The following TMEM200A variants were observed in gnomAD, a reference collection of about 807,000 sequenced individuals.
TMEM200A encodes the protein two transmembrane C.
A neutral mutation model predicts 24.3 loss-of-function variants in TMEM200A; 12 were observed. The ratio of observed to expected loss-of-function variants is 0.49; its 90% CI spans 0.32 to 0.80. TMEM200A has a LOEUF of 0.80. Among genes scored for constraint, TMEM200A ranks in the 30% least tolerant of loss-of-function variants. The probability of loss-of-function intolerance (pLI) is 0.04; values close to 1 mark genes in which losing one functional copy is unlikely to be tolerated. For missense variants in TMEM200A, 545 were observed against 614.4 expected, an observed-to-expected ratio of 0.89 and a Z score of 1.19; for synonymous variants, 224 against 224.4, an observed-to-expected ratio of 1.00 and a Z score of 0.02.
rs1778143543 is a variant in TMEM200A, at chr6:130,366,316, C to T, written c.-289C>T. 1.0e-6 allele frequency: 1 copy of T among 985,126 alleles called. No individual in the cohort carries two copies. Among genetic ancestry groups the T allele is most frequent in the Non-Finnish European group, 1.2e-6 (1 of 829,826 alleles). The allele number at this position is 985,126 out of a possible 1,614,324, so 61.0% of individuals were successfully genotyped here. A position where few individuals can be genotyped will look rare whatever the true frequency, so the allele number is the denominator to read the frequency against. On this transcript the variant is annotated 5_prime_UTR_variant, in exon 1 of 3. Coordinates refer to ENST00000296978, the MANE Select transcript of TMEM200A (RefSeq NM_001258277.2). The surrounding 1 kb of genome is among the most constrained non-coding windows in gnomAD (Gnocchi z 4.4). ...TTGCCACCCGCCCCCTCGCCTGACT[C>T]ATCCGCCCGCGGTGGCCGCCCGAGC...
chr6:130,417,276 G>T (rs1322830781), intron 2 of TMEM200A, among the ~76,000 whole-genome samples: 1 of 152,150 alleles, frequency 6.6e-6, no homozygotes, highest in African/African-American at 2.4e-5. Flanking sequence ...GTGTATGAAA[G>T]ACTGATTTGA....
At chr6:130,400,209 T>C (rs2115130586) in intron 2 of TMEM200A, among the ~76,000 whole-genome samples, 1 of 152,222 alleles carries the variant, frequency 6.6e-6, no homozygotes, top group Non-Finnish European at 1.5e-5. Context: ...GCTGTAAACA[T>C]GCATGTGCAA....
chr6:130,373,423 T>G (rs922909251), intron 1 of TMEM200A, among the ~76,000 whole-genome samples: 1 of 152,238 alleles, frequency 6.6e-6, no homozygotes, highest in African/African-American at 2.4e-5. Flanking sequence ...CTCCTTATTT[T>G]TAATGATTTT....
At chr6:130,416,327 G>GTC (rs140554338) in intron 2 of TMEM200A, among the ~76,000 whole-genome samples, 19,934 of 133,088 alleles carry the variant, frequency 0.15, 1,619 homozygotes, top group East Asian at 0.36. Flanking sequence ...CTCTCTCTCT[G>GTC]TCTCTCTCTC....
intron 2 of TMEM200A, among the ~76,000 whole-genome samples, chr6:130,400,725 C>G (rs531424428): frequency 2.0e-5 from 3 of 152,104 alleles, no homozygotes; most frequent in South Asian, 2.1e-4. Flanking sequence ...CCTAGCCACA[C>G]ACTTGGAGCT....
chr6:130,419,198 G>A (rs1006798530), intron 2 of TMEM200A, among the ~76,000 whole-genome samples: 1 of 152,024 alleles, frequency 6.6e-6, no homozygotes, highest in Non-Finnish European at 1.5e-5. Flanking sequence ...GACTTATTTC[G>A]CTTAACATAA....
Position 130,441,454 on chromosome 6 carries a change from G to A in TMEM200A, c.1032G>A (p.Val344=). 6.2e-7 allele frequency: 1 copy of A among 1,614,062 alleles called. No homozygotes were observed. The highest frequency in any genetic ancestry group is 1.7e-4 in the Middle Eastern group (1 of 6,056). Reference sequence around the variant, plus strand: ...AATCCTTCCAGCCCGTCAGCACAGTGCTACCAAGGAATAATTCCATTGGGG... The same window carrying A: ...AATCCTTCCAGCCCGTCAGCACAGTACTACCAAGGAATAATTCCATTGGGG... The part of the protein sequence containing the change: ...TSESFQPVST[V]LPRNNSIGES... The change falls in exon 3 of 3, where the codon GTG becomes GTA. Residue 344 remains valine, a synonymous_variant. Transcript: ENST00000296978.
chr6:130,436,633 T>TTTTTTTTTTTG, intron 2 of TMEM200A, among the ~76,000 whole-genome samples: 1 of 62,294 alleles, frequency 1.6e-5, no homozygotes, highest in Non-Finnish European at 2.6e-5. Flanking sequence ...TCTTTATCCT[T>TTTTTTTTTTTG]TTTTTTTTTT....
intron 2 of TMEM200A, among the ~76,000 whole-genome samples, chr6:130,409,852 T>C (rs1562562787): frequency 6.6e-6 from 1 of 151,928 alleles, no homozygotes; most frequent in African/African-American, 2.4e-5. Context: ...TTTTTTTTTT[T>C]AATGAAAACT....
At chr6:130,416,315 TTC>T (rs369329752) in intron 2 of TMEM200A, among the ~76,000 whole-genome samples, 11 of 149,766 alleles carry the variant, frequency 7.3e-5, no homozygotes, top group South Asian at 2.2e-4. Context: ...TAGGATGGAT[TTC>T]TCTCTCTCTG....
At chr6:130,412,028 C>T (rs1779341969) in intron 2 of TMEM200A, among the ~76,000 whole-genome samples, 1 of 150,644 alleles carries the variant, frequency 6.6e-6, no homozygotes, top group Non-Finnish European at 1.5e-5. Context: ...TCAATTATCC[C>T]ATATTTGACC....
Position 130,392,737 on chromosome 6 carries a change from A to C in TMEM200A, c.-17+7501A>C, listed in dbSNP as rs143408496. On this transcript the variant is annotated intron_variant, in intron 2 of 2. Coordinates refer to ENST00000296978, the MANE Select transcript of TMEM200A (RefSeq NM_001258277.2). ...AGCTCAAGCATTTCTTCATCTTACAAGCAACACCTAACCACCCTTCCCTGA... is the reference window on the plus strand; with the variant it reads ...AGCTCAAGCATTTCTTCATCTTACACGCAACACCTAACCACCCTTCCCTGA... 9.6e-4 allele frequency among the ~76,000 whole-genome samples: 146 copies of C among 152,278 alleles called. 1 individual carries two copies. Among genetic ancestry groups the C allele is most frequent in the African/African-American group, 3.2e-3 (133 of 41,548 alleles).
chr6:130,406,803 A>T (rs1046830921), intron 2 of TMEM200A, among the ~76,000 whole-genome samples: 1 of 152,160 alleles, frequency 6.6e-6, no homozygotes, highest in Non-Finnish European at 1.5e-5. Flanking sequence ...TTTTCCTTTA[A>T]GACTCAAATC....
At chr6:130,376,858 T>C (rs186319236) in intron 1 of TMEM200A, among the ~76,000 whole-genome samples, 53 of 152,334 alleles carry the variant, frequency 3.5e-4, no homozygotes, top group African/African-American at 1.2e-3. Flanking sequence ...CACACTTTAC[T>C]TGACTTGTGG....
chr6:130,404,813 T>G (rs1244057489), intron 2 of TMEM200A, among the ~76,000 whole-genome samples: 1 of 152,200 alleles, frequency 6.6e-6, no homozygotes, highest in Admixed American at 6.5e-5. Context: ...TTTAAGTCTT[T>G]AATCCATCTT....
Position 130,388,920 on chromosome 6 carries a change from T to C in TMEM200A, c.-17+3684T>C, listed in dbSNP as rs545740839. Among the ~76,000 whole-genome samples the C allele has an allele frequency of 5.9e-5, 9 of 152,298 alleles. No individual in the cohort carries two copies. In the East Asian group the frequency reaches 1.7e-3, roughly 29 times the overall value. On this transcript the variant is annotated intron_variant, in intron 2 of 2. Transcript: ENST00000296978. ...ACTAATTAGTATATTTAAGAGAAAT[T>C]ACTTACAAAACCTAAATCATGTTTT...
chr6:130,366,601 T>G lies in TMEM200A; in HGVS notation c.-81+77T>G. On this transcript the variant is annotated intron_variant, in intron 1 of 2. Coordinates refer to ENST00000296978, the MANE Select transcript of TMEM200A (RefSeq NM_001258277.2). This position sits in a 1 kb window ranked among gnomAD's most constrained non-coding sequence, Gnocchi z 4.4. ...ACCGCAGCCGAAACCGGGCACTTCT[T>G]CAGCCCTCTGCCCTCCCCTCCCCTC... 1.0e-6 allele frequency: 1 copy of G among 983,072 alleles called. No individual in the cohort carries two copies. Among genetic ancestry groups the G allele is most frequent in the Non-Finnish European group, 1.2e-6 (1 of 827,768 alleles). 60.9% of individuals were successfully genotyped at this position (983,072 alleles called of 1,614,324 possible).
chr6:130,429,107 A>G (rs1779814917), intron 2 of TMEM200A, among the ~76,000 whole-genome samples: 2 of 152,246 alleles, frequency 1.3e-5, no homozygotes, highest in South Asian at 4.1e-4. Context: ...GATTTTCCAT[A>G]TATTTATGTA....
At chr6:130,375,339 CTTAT>C (rs1215084243) in intron 1 of TMEM200A, among the ~76,000 whole-genome samples, 1 of 151,662 alleles carries the variant, frequency 6.6e-6, no homozygotes, top group African/African-American at 2.4e-5. Context: ...TATTTACTTA[CTTAT>C]AAGACACATA....
Sources: allele counts gnomAD v4.1 joint callset (sites outside exome capture counted in the v4.1 genomes callset), GRCh38; gene constraint gnomAD v4.1.1; non-coding constraint Gnocchi (gnomAD v3.1); transcripts MANE v1.5; gene names NCBI Gene and HGNC (gene_info 2026-07-23, HGNC 2026-07-21).